The following ADGRL1 variants were observed in gnomAD, a reference collection of about 807,000 sequenced individuals.
The protein encoded by ADGRL1 is CIRL-1.
ADGRL1 carries 31 observed loss-of-function variants against 148.9 expected under a neutral mutation model. That is an observed-to-expected ratio of 0.21 (90% CI 0.16 to 0.28). The LOEUF (loss-of-function observed/expected upper bound fraction) is 0.28, where lower values mean the gene tolerates loss of function less well. ADGRL1 is among the 10% of genes least tolerant of loss of function. ADGRL1 has a pLI of 1.00. For synonymous variants in ADGRL1, 937 were observed against 900.3 expected (o/e 1.04, Z -0.73); for missense variants, 1,521 against 2,058.8 (o/e 0.74, Z 5.05).
rs894768565 is a variant in ADGRL1 at position 14,161,164 on chromosome 19, CCT to C, written c.1510+146_1510+147del. 17 of 812,510 alleles carry C rather than the reference CCT, an allele frequency of 2.1e-5. No individual in the cohort carries two copies. The highest frequency in any genetic ancestry group is 1.0e-4 in the Admixed American group (3 of 28,858). 50.3% of individuals were successfully genotyped at this position (812,510 alleles called of 1,614,324 possible). ...CAGGGGCACTGAGTGGCTCCTGTGC[CCT>C]GAGAGCTCTGCTGGTCACTGGGGAT... On this transcript the variant is annotated intron_variant, in intron 6 of 22. Transcript: ENST00000361434. The surrounding 1 kb of genome is among the most constrained non-coding windows in gnomAD (Gnocchi z 4.4).
chr19:14,190,328 A>C (rs903680765), intron 1 of ADGRL1, among the ~76,000 whole-genome samples: 19 of 152,258 alleles, frequency 1.2e-4, no homozygotes, highest in African/African-American at 4.6e-4. Context: ...GTGCAGTGGC[A>C]CCATCAAAGC....
chr19:14,166,054 C>A (rs1599435320), intron 4 of ADGRL1, among the ~76,000 whole-genome samples: 1 of 152,252 alleles, frequency 6.6e-6, no homozygotes, highest in South Asian at 2.1e-4. Context: ...AGGGAGTTCT[C>A]TGCTAGAAAT....
At chr19:14,186,850 CG>C (rs1971601915) in intron 1 of ADGRL1, among the ~76,000 whole-genome samples, 2 of 152,188 alleles carry the variant, frequency 1.3e-5, no homozygotes, top group Admixed American at 1.3e-4. Context: ...ATGTCGGCTG[CG>C]GCTGCTCATT....
At chr19:14,175,471 T>A (rs1247586416) in intron 3 of ADGRL1, among the ~76,000 whole-genome samples, 1 of 137,620 alleles carries the variant, frequency 7.3e-6, no homozygotes, top group Non-Finnish European at 1.5e-5. Context: ...CTCACACACA[T>A]GCTCACACCC....
Position 14,155,990 on chromosome 19 carries a change from A to G in ADGRL1, c.3125+120T>C. 2 of 732,700 alleles carry G rather than the reference A, an allele frequency of 2.7e-6. No individual in the cohort carries two copies. The highest frequency in any genetic ancestry group is 4.8e-6 in the Non-Finnish European group (2 of 420,784). 45.4% of individuals were successfully genotyped at this position (732,700 alleles called of 1,614,324 possible). A position where few individuals can be genotyped will look rare whatever the true frequency, so the allele number is the denominator to read the frequency against. ...ATAGAACACCCCTGTTGGTACTTAAAATTGCAATGTGTGTCACCAGAGGTG... is the reference window on the plus strand; with the variant it reads ...ATAGAACACCCCTGTTGGTACTTAAGATTGCAATGTGTGTCACCAGAGGTG... On this transcript the variant is annotated intron_variant, in intron 17 of 22. Transcript: ENST00000361434. This position sits in a 1 kb window ranked among gnomAD's most constrained non-coding sequence, Gnocchi z 5.0.
intron 2 of ADGRL1, among the ~76,000 whole-genome samples, chr19:14,180,316 C>T (rs1264465270): frequency 6.6e-6 from 1 of 152,080 alleles, no homozygotes; most frequent in Non-Finnish European, 1.5e-5. Context: ...AGTGGAATGG[C>T]GCGATCTCAG....
intron 18 of ADGRL1, among the ~76,000 whole-genome samples, chr19:14,153,772 G>A (rs1968454292): frequency 6.8e-6 from 1 of 147,384 alleles, no homozygotes; most frequent in Non-Finnish European, 1.5e-5. Flanking sequence ...GCAACATGGT[G>A]AAACCCCACC....
rs1968015896 is a variant in ADGRL1, at chr19:14,150,058, G to A, written c.*815C>T. On this transcript the variant is annotated 3_prime_UTR_variant, in exon 23 of 23. Transcript: ENST00000361434. ...TCCAAGCCCAGGACCCACTCCCCAG[G>A]GAGATCCAGACCCAAAATCTGCTCC... 6.6e-6 allele frequency: 1 copy of A among 152,160 alleles called. No homozygotes were observed. Among genetic ancestry groups the A allele is most frequent in the Non-Finnish European group, 1.5e-5 (1 of 68,048 alleles). The allele number at this position is 152,160 out of a possible 1,614,324, so 9.4% of individuals were successfully genotyped here.
At chr19:14,198,013 G>A (rs544144603) in intron 1 of ADGRL1, among the ~76,000 whole-genome samples, 9 of 152,162 alleles carry the variant, frequency 5.9e-5, no homozygotes, top group East Asian at 3.9e-4. Context: ...GTGACATTTC[G>A]GCAGAGGTCT....
At chr19:14,194,059 C>T (rs2145126406) in intron 1 of ADGRL1, among the ~76,000 whole-genome samples, 1 of 152,286 alleles carries the variant, frequency 6.6e-6, no homozygotes, top group African/African-American at 2.4e-5. Context: ...CTGGGCAACA[C>T]AGTGAGACCC....
chr19:14,180,414 C>T (rs1315742536), intron 2 of ADGRL1, among the ~76,000 whole-genome samples: 1 of 152,096 alleles, frequency 6.6e-6, no homozygotes, highest in African/African-American at 2.4e-5. Context: ...TGCCACCACA[C>T]CCCACTAATT....
chr19:14,182,051 A>T (rs1971234983), intron 2 of ADGRL1, among the ~76,000 whole-genome samples: 1 of 152,116 alleles, frequency 6.6e-6, no homozygotes, highest in Non-Finnish European at 1.5e-5. Flanking sequence ...TAGGAGCCAG[A>T]CAGATGGCTG....
intron 12 of ADGRL1, 132 bp from the exon 13 acceptor site, chr19:14,158,184 C>T: frequency 8.1e-7 from 1 of 1,230,052 alleles, no homozygotes. Flanking sequence ...CTCCAGTTGA[C>T]ATTCTGAGAG....
Position 14,159,091 on chromosome 19 carries a change from A to G in ADGRL1, c.2148T>C (p.Asn716=). ...SAKTIKQNSR[N]GVVKVVFILY... is the part of the protein sequence containing the mutation. ...CGAGGCCCCGCCGGGGACACTGACC[A>G]TTGCGGCTGTTCTGCTTGATGGTTT... Residue 716 remains asparagine, a splice_region_variant and synonymous_variant, in exon 11 of 23, where the codon AAT becomes AAC. Transcript: ENST00000361434. The surrounding 1 kb of genome is among the most constrained non-coding windows in gnomAD (Gnocchi z 6.0). 6.2e-7 allele frequency: 1 copy of G among 1,613,806 alleles called. No individual in the cohort carries two copies. Among genetic ancestry groups the G allele is most frequent in the South Asian group, 1.1e-5 (1 of 91,066 alleles).
chr19:14,152,055 A>T lies in ADGRL1; in HGVS notation c.3667+78T>A. On this transcript the variant is annotated intron_variant, in intron 22 of 22. Transcript: ENST00000361434. This position sits in a 1 kb window ranked among gnomAD's most constrained non-coding sequence, Gnocchi z 6.1. Reference sequence around the variant, plus strand: ...GGAGGCATCCCGAGTTCTCCTCCTTAAGTGAGGCCGTCTGAGAAGGCCACT... The same window carrying T: ...GGAGGCATCCCGAGTTCTCCTCCTTTAGTGAGGCCGTCTGAGAAGGCCACT... 1.4e-6 allele frequency: 2 copies of T among 1,381,660 alleles called. No homozygotes were observed. The highest frequency in any genetic ancestry group is 2.1e-6 in the Non-Finnish European group (2 of 968,538). 85.6% of individuals were successfully genotyped at this position (1,381,660 alleles called of 1,614,324 possible). A position where few individuals can be genotyped will look rare whatever the true frequency, so the allele number is the denominator to read the frequency against.
Position 14,161,667 on chromosome 19 carries a change from G to A in ADGRL1, c.1196-41C>T. 6 of 1,313,298 alleles carry A rather than the reference G, an allele frequency of 4.6e-6. No homozygotes were observed. Among genetic ancestry groups the A allele is most frequent in the East Asian group, 2.9e-5 (1 of 34,108 alleles). The allele number at this position is 1,313,298 out of a possible 1,614,324, so 81.4% of individuals were successfully genotyped here. A position where few individuals can be genotyped will look rare whatever the true frequency, so the allele number is the denominator to read the frequency against. ...GAGACAGGGTCATCCCCATGCTCAG[G>A]GCCATGCCACAGTGTGCTTGGGCAG... On this transcript the variant is annotated intron_variant, in intron 5 of 22. Transcript: ENST00000361434. The surrounding 1 kb of genome is among the most constrained non-coding windows in gnomAD (Gnocchi z 4.4).
chr19:14,163,401 C>G lies in ADGRL1; in HGVS notation c.400G>C (p.Val134Leu), dbSNP rs573966874. The change falls in exon 5 of 23, where the codon GTG (valine) becomes CTG (leucine). Residue 134 changes from valine to leucine, a missense_variant. This residue lies in a region of ADGRL1 where 334 missense variants were observed against 512.5 expected (regional missense o/e 0.65). Coordinates refer to ENST00000361434, the MANE Select transcript of ADGRL1 (RefSeq NM_014921.5). The stretch of plus-strand genomic sequence containing the variant: ...ACCTTCTGCAGGGTCCCTGGGCACA[C>G]GAAGACTGGGCAGAGTGGGCGGGAG... Reference protein sequence around the residue: ...VQYDCVPYIFVCPGTLQKVLE... With the variant: ...VQYDCVPYIFLCPGTLQKVLE... The G allele has an allele frequency of 6.4e-7, 1 of 1,552,296 alleles. No homozygotes were observed. Among genetic ancestry groups the G allele is most frequent in the Non-Finnish European group, 8.7e-7 (1 of 1,150,606 alleles).
intron 1 of ADGRL1, among the ~76,000 whole-genome samples, chr19:14,195,221 C>A (rs1972183179): frequency 6.6e-6 from 1 of 152,068 alleles, no homozygotes; most frequent in African/African-American, 2.4e-5. Context: ...CCATGGGAAA[C>A]GGGGCTGCAC....
At chr19:14,196,263 G>A (rs1972255959) in intron 1 of ADGRL1, among the ~76,000 whole-genome samples, 1 of 152,220 alleles carries the variant, frequency 6.6e-6, no homozygotes, top group Admixed American at 6.5e-5. Context: ...TCCCTCCTCT[G>A]CTCAGAACCC....
Sources: gnomAD v4.1 joint callset for allele counts (sites outside exome capture counted in the v4.1 genomes callset) on GRCh38, gnomAD v4.1.1 for gene constraint, gnomAD v4.1.1 regional missense constraint, Gnocchi (gnomAD v3.1) non-coding constraint, MANE v1.5 for transcripts, NCBI Gene and HGNC (gene_info 2026-07-23, HGNC 2026-07-21) for gene names.